Variants in LNX1 observed in about 807,000 individuals in gnomAD.
LNX1 encodes E3 ubiquitin-protein ligase LNX.
A neutral mutation model predicts 68.4 loss-of-function variants in LNX1; 54 were observed. The observed-to-expected ratio is 0.79, with a 90% CI of 0.63 to 0.99. The LOEUF (loss-of-function observed/expected upper bound fraction) is 0.99. Ranked by LOEUF, LNX1 falls within the 50% of genes least tolerant of loss-of-function variation. The probability of loss-of-function intolerance (pLI) is 0.00; values close to 1 mark genes in which losing one functional copy is unlikely to be tolerated. For missense variants in LNX1, 906 were observed against 926.4 expected (o/e 0.98, Z 0.29); for synonymous variants, 336 against 350.0 (o/e 0.96, Z 0.45).
intron 2 of LNX1, among the ~76,000 whole-genome samples, chr4:53,550,770 T>A (rs769673716): frequency 6.6e-5 from 10 of 152,170 alleles, no homozygotes; most frequent in Non-Finnish European, 1.3e-4. Context: ...GCCCAATACC[T>A]GGCCCAGGTC....
intron 2 of LNX1, among the ~76,000 whole-genome samples, chr4:53,523,643 T>TG (rs1727406451): frequency 2.0e-5 from 3 of 152,234 alleles, no homozygotes; most frequent in Admixed American, 1.3e-4. Flanking sequence ...GATAGTAGCC[T>TG]ATTAGTAGGA....
At chr4:53,641,231 C>T (rs766311239) in intron 1 of LNX1, among the ~76,000 whole-genome samples, 1 of 152,200 alleles carries the variant, frequency 6.6e-6, no homozygotes, top group Non-Finnish European at 1.5e-5. Context: ...CCTTTACTCT[C>T]TAAGAAGGAG....
At chr4:53,626,999 T>C (rs1734100549) in intron 1 of LNX1, among the ~76,000 whole-genome samples, 1 of 152,176 alleles carries the variant, frequency 6.6e-6, no homozygotes, top group East Asian at 1.9e-4. Flanking sequence ...TGGCCGGGGA[T>C]CCCAGTTTGG....
chr4:53,611,840 C>G (rs1325197406), intron 2 of LNX1, among the ~76,000 whole-genome samples: 2 of 152,056 alleles, frequency 1.3e-5, no homozygotes, highest in Non-Finnish European at 2.9e-5. Flanking sequence ...GGGGGTAGGA[C>G]AAACCCTCCC....
Position 53,460,155 on chromosome 4 carries a change from C to T in LNX1, c.*752G>A. The T allele has an allele frequency of 5.0e-6, 1 of 198,902 alleles. No individual in the cohort carries two copies. The highest frequency in any genetic ancestry group is 1.0e-5 in the Non-Finnish European group (1 of 96,142). 12.3% of individuals were successfully genotyped at this position (198,902 alleles called of 1,614,324 possible). ...ATCGCCTCATGACCATGTCTGTGAG[C>T]CAGGGTCAAGCTGGTTTGGCCTTCT... On this transcript the variant is annotated 3_prime_UTR_variant, in exon 11 of 11. Transcript: ENST00000263925.
intron 2 of LNX1, among the ~76,000 whole-genome samples, chr4:53,606,518 C>T (rs2616392): frequency 0.4 from 61,489 of 151,830 alleles, 12,587 homozygotes; most frequent in Admixed American, 0.45. Context: ...AGATTCACAG[C>T]CAAATTCTAC....
chr4:53,570,625 T>C (rs191784165), intron 2 of LNX1, among the ~76,000 whole-genome samples: 1,806 of 151,406 alleles, frequency 0.012, 31 homozygotes, highest in African/African-American at 0.041. Context: ...GTAACTAACC[T>C]GCGTAATGTG....
intron 6 of LNX1, among the ~76,000 whole-genome samples, chr4:53,482,413 C>G (rs999218989): frequency 4.5e-4 from 68 of 152,182 alleles, no homozygotes; most frequent in African/African-American, 1.6e-3. Context: ...TAATCAAAAT[C>G]CTTTACCTTC....
chr4:53,481,782 C>T lies in LNX1; in HGVS notation c.1423G>A (p.Ala475Thr). 1 of 1,613,780 alleles carries T rather than the reference C, an allele frequency of 6.2e-7. No homozygotes were observed. Among genetic ancestry groups the T allele is most frequent in the Non-Finnish European group, 8.5e-7 (1 of 1,179,834 alleles). The part of the protein sequence containing the change: ...RQRSPDIFQE[A>T]GWNSNGSWSP... ...CAGCTGCCATTGCTGTTCCAGCCGG[C>T]TTCCTGAAAGATGTCAGGGCTCCGC... The change falls in exon 7 of 11, where the codon GCC becomes ACC. Residue 475 changes from alanine (A) to threonine (T), a missense_variant. By Grantham distance (58) the Ala-to-Thr change is moderately conservative (BLOSUM62 0). Coordinates refer to ENST00000263925, the MANE Select transcript of LNX1 (RefSeq NM_001126328.3).
Position 53,476,874 on chromosome 4 carries a change from C to T in LNX1, c.1771G>A (p.Glu591Lys), listed in dbSNP as rs1168380142. 1.2e-6 allele frequency: 2 copies of T among 1,614,168 alleles called. No individual in the cohort carries two copies. Among genetic ancestry groups the T allele is most frequent in the Non-Finnish European group, 1.7e-6 (2 of 1,180,028 alleles). The change falls in exon 9 of 11, where the codon GAA becomes AAA. Residue 591 changes from glutamate to lysine, a missense_variant. Physicochemically the swap from Glu to Lys is moderately conservative, Grantham distance 56. Coordinates refer to ENST00000263925, the MANE Select transcript of LNX1 (RefSeq NM_001126328.3). ...TCCTGGGGCTCATACTCTTTGACTT[C>T]CAAAGCTTTGAGTACTATCGAGGAT... Reference protein sequence around the residue: ...TSSSIVLKALEVKEYEPQEDC... With the variant: ...TSSSIVLKALKVKEYEPQEDC...
At position 53,491,806 on chromosome 4, in the gene LNX1, T is replaced by G. The variant is rs1018070696; in HGVS notation, c.1350+4217A>C. Among the ~76,000 whole-genome samples the G allele has an allele frequency of 8.5e-4, 128 of 149,968 alleles. 3 individuals carry two copies. The highest frequency in any genetic ancestry group is 3.0e-3 in the African/African-American group (122 of 40,998). On this transcript the variant is annotated intron_variant, in intron 6 of 10. Transcript: ENST00000263925. ...AGGATACGATACTTTTTTTTGTTTG[T>G]TTGTTTTTTGAGAAAAGTTTCACTC...
chr4:53,464,288 C>A (rs1199460280), intron 9 of LNX1, among the ~76,000 whole-genome samples: 1 of 152,064 alleles, frequency 6.6e-6, no homozygotes, highest in Non-Finnish European at 1.5e-5. Flanking sequence ...CTTTGATTAA[C>A]CTAGCATTTA....
chr4:53,596,785 C>T (rs1369351), intron 2 of LNX1, among the ~76,000 whole-genome samples: 120,479 of 152,028 alleles, frequency 0.79, 48,023 homozygotes, highest in South Asian at 0.91. Flanking sequence ...CTGACTTCCC[C>T]CTATTATAAT....
upstream of LNX1, chr4:53,593,977 G>A (rs759395135): frequency 2.0e-5 from 3 of 152,010 alleles, no homozygotes; most frequent in Non-Finnish European, 4.4e-5. Context: ...CTGATTTCAT[G>A]CTCACTGGGA....
intron 9 of LNX1, among the ~76,000 whole-genome samples, chr4:53,463,887 T>C (rs1722413823): frequency 6.6e-6 from 1 of 152,096 alleles, no homozygotes; most frequent in Admixed American, 6.5e-5. Context: ...GAACACTGAC[T>C]TTGAACTAAG....
chr4:53,643,932 C>A (rs1252423060), intron 1 of LNX1, among the ~76,000 whole-genome samples: 1 of 152,164 alleles, frequency 6.6e-6, no homozygotes, highest in East Asian at 1.9e-4. Context: ...CACAAAGCAC[C>A]TTGCCAGCTG....
At chr4:53,478,939 C>T (rs1723742216) in intron 7 of LNX1, among the ~76,000 whole-genome samples, 197 bp from the exon 8 acceptor site, 1 of 152,170 alleles carries the variant, frequency 6.6e-6, no homozygotes, top group African/African-American at 2.4e-5. Flanking sequence ...TCACCTTATC[C>T]ACTCCCAACC....
At chr4:53,617,151 C>T (rs1427444354) in intron 1 of LNX1, 1 of 151,300 alleles carries the variant, frequency 6.6e-6, no homozygotes, top group African/African-American at 2.4e-5. Context: ...TTTGAAGAGA[C>T]CAGACTTACA....
Position 53,576,221 on chromosome 4 carries a change from G to A in LNX1, c.-86-2133C>T, listed in dbSNP as rs201663477. Reference sequence around the variant, plus strand: ...ACAATCTCCACCAGTGCCCTGGCTCGCTTCCTGCAGCCGAGGGTCCTGATG... The same window carrying A: ...ACAATCTCCACCAGTGCCCTGGCTCACTTCCTGCAGCCGAGGGTCCTGATG... On this transcript the variant is annotated intron_variant, in intron 1 of 10. Coordinates refer to ENST00000263925, the MANE Select transcript of LNX1 (RefSeq NM_001126328.3). The A allele has an allele frequency of 1.4e-3, 2,270 of 1,602,004 alleles. 3 individuals are homozygous for A. The highest frequency in any genetic ancestry group is 1.8e-3 in the Non-Finnish European group (2,142 of 1,174,468).
Sources: gnomAD v4.1 joint callset for allele counts (sites outside exome capture counted in the v4.1 genomes callset) on GRCh38, gnomAD v4.1.1 for gene constraint, MANE v1.5 for transcripts, NCBI Gene and HGNC (gene_info 2026-07-23, HGNC 2026-07-21) for gene names.